SKAP1: variants seen among roughly 807,000 people sequenced by gnomAD.
SKAP1 encodes src kinase associated phosphoprotein 1.
Under a neutral mutation model 58.5 loss-of-function variants are expected in SKAP1, and 44 were observed. The ratio of observed to expected loss-of-function variants is 0.75; its 90% CI spans 0.59 to 0.97. SKAP1 has a LOEUF of 0.97. Among genes scored for constraint, SKAP1 ranks in the 50% least tolerant of loss-of-function variants. The probability of loss-of-function intolerance (pLI) is 0.00; values close to 1 mark genes in which losing one functional copy is unlikely to be tolerated. For missense variants in SKAP1, 390 were observed against 435.2 expected (o/e 0.90, Z 0.92); for synonymous variants, 127 against 149.7 (o/e 0.85, Z 1.11).
intron 4 of SKAP1, among the ~76,000 whole-genome samples, chr17:48,292,594 T>C (rs147919752): frequency 1.0e-3 from 154 of 152,306 alleles, no homozygotes; most frequent in African/African-American, 3.5e-3. Flanking sequence ...AATAATTACC[T>C]TATGGGGAAG....
intron 4 of SKAP1, among the ~76,000 whole-genome samples, chr17:48,239,943 T>C (rs938440825): frequency 6.6e-6 from 1 of 152,046 alleles, no homozygotes; most frequent in African/African-American, 2.4e-5. Flanking sequence ...AGAACCTCTA[T>C]CATCAGTAAC....
intron 4 of SKAP1, among the ~76,000 whole-genome samples, chr17:48,309,624 C>G (rs1441216224): frequency 6.6e-6 from 1 of 152,100 alleles, no homozygotes; most frequent in Non-Finnish European, 1.5e-5. Context: ...CACATATATA[C>G]TCTCTTGAAA....
At chr17:48,134,608 G>A (rs1032434686) in intron 12 of SKAP1, among the ~76,000 whole-genome samples, 10 of 152,102 alleles carry the variant, frequency 6.6e-5, no homozygotes, top group Admixed American at 2.6e-4. Flanking sequence ...GAGCCACTGC[G>A]CCTGGCCAGA....
chr17:48,376,650 C>T (rs1329814150), intron 2 of SKAP1, among the ~76,000 whole-genome samples: 1 of 152,168 alleles, frequency 6.6e-6, no homozygotes, highest in Non-Finnish European at 1.5e-5. Flanking sequence ...GTCTCTGTAT[C>T]TCAAGTTACG....
At chr17:48,384,711 A>G (rs893110620) in intron 2 of SKAP1, among the ~76,000 whole-genome samples, 11 of 152,208 alleles carry the variant, frequency 7.2e-5, no homozygotes, top group African/African-American at 2.7e-4. Flanking sequence ...TGGCTTATAG[A>G]TCATGATTCT....
intron 2 of SKAP1, among the ~76,000 whole-genome samples, chr17:48,364,136 T>C (rs1358759465): frequency 6.6e-6 from 1 of 152,208 alleles, no homozygotes; most frequent in Non-Finnish European, 1.5e-5. Flanking sequence ...TGGTTCTTTG[T>C]TGTGACAATC....
intron 2 of SKAP1, among the ~76,000 whole-genome samples, chr17:48,377,955 C>T (rs1437969642): frequency 6.6e-6 from 1 of 152,178 alleles, no homozygotes; most frequent in Non-Finnish European, 1.5e-5. Context: ...TTCTCCTACC[C>T]CTGTGTTCCC....
intron 4 of SKAP1, among the ~76,000 whole-genome samples, chr17:48,301,472 CT>C (rs1337226590): frequency 6.6e-6 from 1 of 151,938 alleles, no homozygotes; most frequent in Admixed American, 6.6e-5. Flanking sequence ...TTCTTTCTTT[CT>C]TTTTTGAGAT....
intron 11 of SKAP1, among the ~76,000 whole-genome samples, chr17:48,145,800 A>G (rs1353345080): frequency 5.3e-5 from 8 of 152,332 alleles, no homozygotes; most frequent in Non-Finnish European, 8.8e-5. Flanking sequence ...TAGCACAGAC[A>G]TGACCTGGAA....
At chr17:48,370,650 A>AAT (rs2067072570) in intron 2 of SKAP1, among the ~76,000 whole-genome samples, 1 of 152,328 alleles carries the variant, frequency 6.6e-6, no homozygotes, top group Admixed American at 6.5e-5. Context: ...GAGGCTGTGG[A>AAT]GAAAAGGAAC....
At chr17:48,232,404 G>A (rs2065135569) in intron 4 of SKAP1, among the ~76,000 whole-genome samples, 1 of 152,168 alleles carries the variant, frequency 6.6e-6, no homozygotes, top group Non-Finnish European at 1.5e-5. Context: ...CAATGCTCTT[G>A]CTTTACATTT....
In SKAP1 at chr17:48,334,605, C is replaced by A. The variant is rs113703489; in HGVS notation, c.280+11300G>T. Among the ~76,000 whole-genome samples, 612 of 151,674 alleles carry A rather than the reference C, an allele frequency of 4.0e-3. 7 individuals carry two copies. The highest frequency in any genetic ancestry group is 0.014 in the African/African-American group (586 of 41,406). On this transcript the variant is annotated intron_variant, in intron 4 of 12. Coordinates refer to ENST00000336915, the MANE Select transcript of SKAP1 (RefSeq NM_003726.4). Reference sequence around the variant, plus strand: ...CTTTACATTAAAAAAAAATCAGGCCCAGCAGGTATCTAAGAAATCTGACAC... The same window carrying A: ...CTTTACATTAAAAAAAAATCAGGCCAAGCAGGTATCTAAGAAATCTGACAC...
intron 11 of SKAP1, among the ~76,000 whole-genome samples, chr17:48,160,904 G>A (rs556610191): frequency 1.3e-5 from 2 of 152,276 alleles, no homozygotes; most frequent in Non-Finnish European, 2.9e-5. Context: ...TACCAATCAG[G>A]CCAATGTCCA....
chr17:48,265,763 C>G (rs1023718814), intron 4 of SKAP1, among the ~76,000 whole-genome samples: 6 of 152,024 alleles, frequency 3.9e-5, no homozygotes, highest in African/African-American at 1.5e-4. Context: ...CCCCATGAAA[C>G]TAGGGAGAAA....
intron 2 of SKAP1, among the ~76,000 whole-genome samples, chr17:48,393,288 C>T (rs2067373298): frequency 6.6e-6 from 1 of 151,990 alleles, no homozygotes; most frequent in African/African-American, 2.4e-5. Context: ...AAATATTAGC[C>T]TTCATTGGTA....
intron 2 of SKAP1, among the ~76,000 whole-genome samples, chr17:48,368,186 C>T (rs2067034582): frequency 6.6e-6 from 1 of 152,168 alleles, no homozygotes; most frequent in South Asian, 2.1e-4. Context: ...CACTGGAGGG[C>T]ACCACAGATT....
chr17:48,256,175 A>ATG (rs35261737), intron 4 of SKAP1, among the ~76,000 whole-genome samples: 17,299 of 149,804 alleles, frequency 0.12, 1,061 homozygotes, highest in East Asian at 0.2. Flanking sequence ...GTTTACCAAA[A>ATG]TGTGTGTGTG....
At chr17:48,147,546 A>G (rs7220922) in intron 11 of SKAP1, among the ~76,000 whole-genome samples, 84,488 of 152,092 alleles carry the variant, frequency 0.56, 24,547 homozygotes, top group East Asian at 0.77. Flanking sequence ...GCTGGGAACA[A>G]GAATTGTTCA....
intron 4 of SKAP1, among the ~76,000 whole-genome samples, chr17:48,284,085 C>T (rs2065800758): frequency 6.6e-6 from 1 of 152,214 alleles, no homozygotes; most frequent in African/African-American, 2.4e-5. Context: ...TCTCCACTTG[C>T]TTCCCCCTCC....
Sources: gnomAD v4.1 joint callset for allele counts (sites outside exome capture counted in the v4.1 genomes callset) on GRCh38, gnomAD v4.1.1 for gene constraint, MANE v1.5 for transcripts, NCBI Gene and HGNC (gene_info 2026-07-23, HGNC 2026-07-21) for gene names.